Variants in TBX19 observed in about 807,000 individuals in gnomAD.
The protein encoded by TBX19 is T-box transcription factor TBX19.
TBX19 carries 33 observed loss-of-function variants against 40.9 expected under a neutral mutation model. The ratio of observed to expected loss-of-function variants is 0.81; its 90% confidence interval spans 0.61 to 1.08. The LOEUF is 1.08. TBX19 is among the 50% of genes least tolerant of loss of function. TBX19 has a pLI of 0.00. For missense variants in TBX19, 494 were observed against 574.0 expected (o/e 0.86, Z 1.42); for synonymous variants, 220 against 225.0 (o/e 0.98, Z 0.20).
chr1:168,285,717 A>C (rs16860291), intron 1 of TBX19, among the ~76,000 whole-genome samples: 2,842 of 152,370 alleles, frequency 0.019, 74 homozygotes, highest in African/African-American at 0.063. Context: ...ACTGATTTAC[A>C]TATTTCTTAT....
chr1:168,281,349 C>T, intron 1 of TBX19, 56 bp downstream of exon 1: 1 of 1,524,178 alleles, frequency 6.6e-7, no homozygotes, highest in South Asian at 1.1e-5. Flanking sequence ...AGAGATGAGA[C>T]CCCTTGAATA....
intron 1 of TBX19, among the ~76,000 whole-genome samples, chr1:168,287,468 A>AT (rs368642727): frequency 1.3e-4 from 19 of 150,116 alleles, no homozygotes; most frequent in African/African-American, 2.9e-4. Flanking sequence ...ATTTGAAATG[A>AT]TTTTTTTTTT....
chr1:168,289,363 T>C (rs1310487266), intron 1 of TBX19, among the ~76,000 whole-genome samples: 4 of 152,178 alleles, frequency 2.6e-5, no homozygotes, highest in East Asian at 1.9e-4. Context: ...AATCCTTCTA[T>C]TGAAGAAAGA....
In TBX19 at chr1:168,312,830, C is replaced by G. The variant is rs763903974; in HGVS notation, c.1175C>G (p.Pro392Arg). 9 of 1,614,166 alleles carry G rather than the reference C, an allele frequency of 5.6e-6. No individual in the cohort carries two copies. The highest frequency in any genetic ancestry group is 1.1e-5 in the South Asian group (1 of 91,092). ...LLGNPAVTSP[P>R]SVLSTQAPTS... ...GGAAACCCAGCTGTGACTTCACCCC[C>G]TTCTGTGCTCTCCACCCAAGCACCC... Residue 392 changes from proline to arginine, a missense_variant, in exon 8 of 8, where the codon CCT becomes CGT. Pro to Arg is a moderately radical substitution (Grantham distance 103, BLOSUM62 -2). This residue lies in a region of TBX19 where 284 missense variants were observed against 307.3 expected (regional missense o/e 0.92). Transcript: ENST00000367821.
intron 6 of TBX19, among the ~76,000 whole-genome samples, chr1:168,307,237 A>G (rs1649423729): frequency 6.6e-6 from 1 of 152,190 alleles, no homozygotes; most frequent in Admixed American, 6.5e-5. Flanking sequence ...TGGCGCTATA[A>G]CAAAATACTT....
Position 168,291,287 on chromosome 1 carries a change from G to T in TBX19, c.331G>T (p.Ala111Ser). 1.2e-6 allele frequency: 2 copies of T among 1,614,174 alleles called. No individual in the cohort carries two copies. Among genetic ancestry groups the T allele is most frequent in the Non-Finnish European group, 1.7e-6 (2 of 1,180,022 alleles). ...WKYVNGEWVP[A>S]GKPEVSSHSC... is the part of the protein sequence containing the mutation. The stretch of plus-strand genomic sequence containing the variant: ...GTACGTCAACGGGGAATGGGTGCCC[G>T]CTGGCAAGCCAGAGGTCTCCAGCCA... Residue 111 changes from alanine (A) to serine (S), a missense_variant, in exon 2 of 8, where the codon GCT becomes TCT. Physicochemically the swap from Ala to Ser is moderately conservative, Grantham distance 99. Transcript: ENST00000367821.
At chr1:168,289,578 A>G (rs1029553991) in intron 1 of TBX19, among the ~76,000 whole-genome samples, 1 of 152,208 alleles carries the variant, frequency 6.6e-6, no homozygotes, top group Non-Finnish European at 1.5e-5. Flanking sequence ...CTTAATTTAT[A>G]TACTTGTCCT....
intron 3 of TBX19, among the ~76,000 whole-genome samples, chr1:168,296,544 G>C (rs1481773982): frequency 6.6e-6 from 1 of 152,124 alleles, no homozygotes; most frequent in African/African-American, 2.4e-5. Context: ...AGAACAGTAT[G>C]GGGGAAGCTG....
At chr1:168,281,404 T>A in intron 1 of TBX19, 111 bp downstream of exon 1, 1 of 985,802 alleles carries the variant, frequency 1.0e-6, no homozygotes, top group Non-Finnish European at 1.6e-6. Context: ...GGGATCTGAT[T>A]AAACATGCTT....
chr1:168,309,496 T>C (rs1481885308), intron 7 of TBX19, among the ~76,000 whole-genome samples: 1 of 152,118 alleles, frequency 6.6e-6, no homozygotes, highest in East Asian at 1.9e-4. Context: ...TGTAGAGGAA[T>C]TGAAGAGGAA....
At chr1:168,312,023 C>T (rs1205361277) in intron 7 of TBX19, among the ~76,000 whole-genome samples, 1 of 152,140 alleles carries the variant, frequency 6.6e-6, no homozygotes, top group African/African-American at 2.4e-5. Flanking sequence ...CTAGAGAAGG[C>T]AAAGAAAATG....
Position 168,281,165 on chromosome 1 carries a change from T to A in TBX19, c.75T>A (p.Ser25Arg), listed in dbSNP as rs758056532. 1.9e-6 allele frequency: 3 copies of A among 1,613,498 alleles called. No individual in the cohort carries two copies. The highest frequency in any genetic ancestry group is 1.1e-5 in the South Asian group (1 of 91,044). ...TVSHLLNVVE[S>R]ELQAGREKGD... ...CTCATCTGCTCAATGTGGTGGAGAG[T>A]GAGCTTCAGGCAGGGAGGGAAAAAG... Residue 25 changes from serine to arginine, a missense_variant, in exon 1 of 8, where the codon AGT (serine) becomes AGA (arginine). Ser to Arg is a moderately radical substitution (Grantham distance 110, BLOSUM62 -1). This residue lies in a region of TBX19 where 201 missense variants were observed against 235.2 expected (regional missense o/e 0.85). Transcript: ENST00000367821.
Position 168,313,323 on chromosome 1 carries a change from T to G in TBX19, c.*321T>G. 2 of 409,326 alleles carry G rather than the reference T, an allele frequency of 4.9e-6. No individual in the cohort carries two copies. The highest frequency in any genetic ancestry group is 9.1e-6 in the Non-Finnish European group (2 of 219,752). 25.4% of individuals were successfully genotyped at this position (409,326 alleles called of 1,614,324 possible). ...CTCAAATCGTTCTGGAAAGCCTCACTTCCTTTTCTGTGGAGAAGGTGCAAA... is the reference window on the plus strand; with the variant it reads ...CTCAAATCGTTCTGGAAAGCCTCACGTCCTTTTCTGTGGAGAAGGTGCAAA... On this transcript the variant is annotated 3_prime_UTR_variant, in exon 8 of 8. Coordinates refer to ENST00000367821, the MANE Select transcript of TBX19 (RefSeq NM_005149.3).
intron 6 of TBX19, chr1:168,308,143 A>C (rs986037260): frequency 8.4e-6 from 1 of 119,458 alleles, no homozygotes; most frequent in Admixed American, 8.7e-5. Context: ...TTTTTTTCTT[A>C]ATTTTTTTTT....
In TBX19 at chr1:168,291,348, T is replaced by C; in HGVS notation, c.392T>C (p.Phe131Ser). The change falls in exon 2 of 8, where the codon TTT becomes TCT. Residue 131 changes from phenylalanine (F) to serine (S), a missense_variant. Transcript: ENST00000367821. Reference sequence around the variant, plus strand: ...TACATTCACCCGGACTCCCCCAACTTTGGGGCCCACTGGATGAAAGCTCCC... The same window carrying C: ...TACATTCACCCGGACTCCCCCAACTCTGGGGCCCACTGGATGAAAGCTCCC... ...CVYIHPDSPN[F>S]GAHWMKAPIS... 6.2e-7 allele frequency: 1 copy of C among 1,614,128 alleles called. No homozygotes were observed. Among genetic ancestry groups the C allele is most frequent in the South Asian group, 1.1e-5 (1 of 91,072 alleles).
At chr1:168,293,047 T>G in intron 2 of TBX19, 97 bp from the exon 3 acceptor site, 1 of 1,592,338 alleles carries the variant, frequency 6.3e-7, no homozygotes, top group East Asian at 2.3e-5. Context: ...ACCGGGGTGG[T>G]GCTAAGCTTG....
At chr1:168,298,824 T>TCCCTTTCC (rs1558192751) in intron 4 of TBX19, among the ~76,000 whole-genome samples, 1 of 13,338 alleles carries the variant, frequency 7.5e-5, no homozygotes, top group Non-Finnish European at 1.3e-4. Flanking sequence ...CCTCCCTTCC[T>TCCCTTTCC]TTCTTTCTTT....
intron 4 of TBX19, among the ~76,000 whole-genome samples, chr1:168,298,414 C>G (rs1300903713): frequency 6.6e-6 from 1 of 152,068 alleles, no homozygotes; most frequent in East Asian, 1.9e-4. Flanking sequence ...CTGCCTTTTT[C>G]CTAATTACTT....
At position 168,293,189 on chromosome 1, in the gene TBX19, G is replaced by T. The variant is rs1319439861; in HGVS notation, c.514G>T (p.Val172Leu). 6.2e-6 allele frequency: 10 copies of T among 1,613,854 alleles called. No individual in the cohort carries two copies. Among genetic ancestry groups the T allele is most frequent in the Non-Finnish European group, 8.5e-6 (10 of 1,179,972 alleles). The change falls in exon 3 of 8, where the codon GTG becomes TTG. Residue 172 changes from valine (V) to leucine (L), a missense_variant. Around this residue, in one of 3 missense-constraint regions of TBX19, gnomAD observed 201 missense variants for 235.2 expected, o/e 0.85. Coordinates refer to ENST00000367821, the MANE Select transcript of TBX19 (RefSeq NM_005149.3). ...TAAATATGAACCCCAGGTTCACATA[G>T]TGCGTGTTGGAAGTGCCCATCGAAT... Reference protein sequence around the residue: ...LHKYEPQVHIVRVGSAHRMVT... With the variant: ...LHKYEPQVHILRVGSAHRMVT...
Sources: gnomAD v4.1 joint callset for allele counts (sites outside exome capture counted in the v4.1 genomes callset) on GRCh38, gnomAD v4.1.1 for gene constraint, gnomAD v4.1.1 regional missense constraint, MANE v1.5 for transcripts, NCBI Gene and HGNC (gene_info 2026-07-23, HGNC 2026-07-21) for gene names.